The following ECSIT variants were observed in gnomAD, a reference collection of about 807,000 sequenced individuals.
ECSIT encodes evolutionarily conserved signaling intermediate in Toll pathway, mitochondrial.
ECSIT carries 29 observed loss-of-function variants against 36.8 expected under a neutral mutation model. The ratio of observed to expected loss-of-function variants is 0.79; its 90% CI spans 0.59 to 1.08. ECSIT has a LOEUF of 1.08. ECSIT is among the 50% of genes least tolerant of loss of function. The probability of loss-of-function intolerance (pLI) is 0.00; values close to 1 mark genes in which losing one functional copy is unlikely to be tolerated. For synonymous variants in ECSIT, 231 were observed against 234.8 expected (o/e 0.98, Z 0.15); for missense variants, 542 against 581.0 (o/e 0.93, Z 0.69).
At position 11,514,269 on chromosome 19, in the gene ECSIT, T is replaced by TG. The variant is rs746239090; in HGVS notation, c.97-49dup. The TG allele has an allele frequency of 5.9e-6, 9 of 1,516,698 alleles. No homozygotes were observed. The East Asian group carries it at 9.2e-5, about 15-fold the overall frequency. The allele number at this position is 1,516,698 out of a possible 1,614,324, so 94.0% of individuals were successfully genotyped here. ...GGAATCTGGCACCTCTCAGTGTCTATGGGGGGCCGCCAGGCTGGCTCTTTC... is the reference window on the plus strand; with the variant it reads ...GGAATCTGGCACCTCTCAGTGTCTATGGGGGGGCCGCCAGGCTGGCTCTTTC... On this transcript the variant is annotated intron_variant, in intron 2 of 7. Transcript: ENST00000270517.
At chr19:11,526,302 G>T (rs2145006383) in intron 1 of ECSIT, among the ~76,000 whole-genome samples, 1 of 152,268 alleles carries the variant, frequency 6.6e-6, no homozygotes, top group South Asian at 2.1e-4. Flanking sequence ...TCTCCTGTGA[G>T]CATTAAAGTT....
intron 1 of ECSIT, among the ~76,000 whole-genome samples, chr19:11,521,681 C>T (rs1195467625): frequency 1.3e-5 from 2 of 152,066 alleles, no homozygotes; most frequent in Admixed American, 6.6e-5. Flanking sequence ...GAGGCGGAGG[C>T]AGGAGAATCA....
At chr19:11,528,352 A>T (rs1972256980) in intron 1 of ECSIT, among the ~76,000 whole-genome samples, 1 of 152,210 alleles carries the variant, frequency 6.6e-6, no homozygotes, top group African/African-American at 2.4e-5. Flanking sequence ...CCTGGGCTCA[A>T]GCAATCCTCC....
rs2144991989 is a variant in ECSIT at position 11,519,725 on chromosome 19, TGGG to T, written c.-23-535_-23-533del. ...GCTCACGCCTGTAATCACAACATTCTGGGAGGCTGAGGCGGGCGGATCACTCGA... is the reference window on the plus strand; with the variant it reads ...GCTCACGCCTGTAATCACAACATTCTAGGCTGAGGCGGGCGGATCACTCGA... On this transcript the variant is annotated intron_variant, in intron 1 of 7. Coordinates refer to ENST00000270517, the MANE Select transcript of ECSIT (RefSeq NM_016581.5). This position sits in a 1 kb window ranked among gnomAD's most constrained non-coding sequence, Gnocchi z 4.4. 6.4e-6 allele frequency: 1 copy of T among 156,342 alleles called. No individual in the cohort carries two copies. Among genetic ancestry groups the T allele is most frequent in the South Asian group, 1.9e-4 (1 of 5,190 alleles). The allele number at this position is 156,342 out of a possible 1,614,324, so 9.7% of individuals were successfully genotyped here. A position where few individuals can be genotyped will look rare whatever the true frequency, so the allele number is the denominator to read the frequency against.
intron 1 of ECSIT, among the ~76,000 whole-genome samples, chr19:11,528,572 G>T (rs1202066457): frequency 6.6e-6 from 1 of 152,180 alleles, no homozygotes; most frequent in East Asian, 1.9e-4. Context: ...TTCAAAGTCT[G>T]GTTCCCCCAG....
chr19:11,506,016 C>T lies in ECSIT; in HGVS notation c.*168G>A. 8.3e-7 allele frequency: 1 copy of T among 1,203,916 alleles called. No homozygotes were observed. Among genetic ancestry groups the T allele is most frequent in the Non-Finnish European group, 1.2e-6 (1 of 865,818 alleles). The allele number at this position is 1,203,916 out of a possible 1,614,324, so 74.6% of individuals were successfully genotyped here. On this transcript the variant is annotated 3_prime_UTR_variant, in exon 8 of 8. Coordinates refer to ENST00000270517, the MANE Select transcript of ECSIT (RefSeq NM_016581.5). Reference sequence around the variant, plus strand: ...CAGATTCTGGAGGGGTCTCGCCTGCCCATCGCTGGCAGCCCGAGATCCTGG... The same window carrying T: ...CAGATTCTGGAGGGGTCTCGCCTGCTCATCGCTGGCAGCCCGAGATCCTGG...
Position 11,506,380 on chromosome 19 carries a change from T to A in ECSIT, c.1100A>T (p.Gln367Leu). Residue 367 changes from glutamine (Q) to leucine (L), a missense_variant, in exon 8 of 8, where the codon CAG (glutamine) becomes CTG (leucine). By Grantham distance (113) the Gln-to-Leu change is moderately radical. Transcript: ENST00000270517. Reference protein sequence around the residue: ...FAMCMAGAHDQATMAKWIQGL... With the variant: ...FAMCMAGAHDLATMAKWIQGL... ...CTGGATCCACTTAGCCATCGTCGCCTGGTCATGAGCACCCGCCATGCACAT... is the reference window on the plus strand; with the variant it reads ...CTGGATCCACTTAGCCATCGTCGCCAGGTCATGAGCACCCGCCATGCACAT... 1 of 1,613,680 alleles carries A rather than the reference T, an allele frequency of 6.2e-7. No homozygotes were observed. Among genetic ancestry groups the A allele is most frequent in the East Asian group, 2.2e-5 (1 of 44,864 alleles).
In ECSIT at chr19:11,523,613, T is replaced by C. The variant is rs1242037797; in HGVS notation, c.-23-4420A>G. 1.4e-5 allele frequency: 13 copies of C among 923,418 alleles called. 1 individual carries two copies. In the Admixed American group the frequency reaches 1.9e-4, roughly 14 times the overall value. The allele number at this position is 923,418 out of a possible 1,614,324, so 57.2% of individuals were successfully genotyped here. A position where few individuals can be genotyped will look rare whatever the true frequency, so the allele number is the denominator to read the frequency against. On this transcript the variant is annotated intron_variant, in intron 1 of 7. Coordinates refer to ENST00000270517, the MANE Select transcript of ECSIT (RefSeq NM_016581.5). ...GCTTGATCCAACTGTGATAAGCCTA[T>C]GTATGTCAAGCTGGTGGAGTCCCTT...
At chr19:11,509,151 C>G (rs979352787) in intron 4 of ECSIT, among the ~76,000 whole-genome samples, 5 of 150,230 alleles carry the variant, frequency 3.3e-5, no homozygotes, top group African/African-American at 1.2e-4. Flanking sequence ...CAGCTCACCG[C>G]AACCTCCACC....
chr19:11,507,967 C>T (rs1971790356), intron 5 of ECSIT, 24 bp downstream of exon 5: 2 of 1,614,144 alleles, frequency 1.2e-6, no homozygotes, highest in South Asian at 1.1e-5. Flanking sequence ...AGAGACTTGG[C>T]TGCCCCCATG....
At position 11,507,498 on chromosome 19, in the gene ECSIT, A is replaced by G; in HGVS notation, c.1010T>C (p.Val337Ala). 1 of 1,613,740 alleles carries G rather than the reference A, an allele frequency of 6.2e-7. No homozygotes were observed. Among genetic ancestry groups the G allele is most frequent in the Non-Finnish European group, 8.5e-7 (1 of 1,179,930 alleles). The change falls in exon 7 of 8, where the codon GTG (valine) becomes GCG (alanine). Residue 337 changes from valine to alanine, a missense_variant. Coordinates refer to ENST00000270517, the MANE Select transcript of ECSIT (RefSeq NM_016581.5). ...CTCGTAGTTGTCCCAGCCACTCCTC[A>G]CATACTCCAGGTCCAGCTGCATCGG... ...YYPMQLDLEYVRSGWDNYEFD... is the reference protein window; with the variant it reads ...YYPMQLDLEYARSGWDNYEFD...
chr19:11,507,897 C>T (rs768419093), intron 5 of ECSIT, 47 bp from the exon 6 acceptor site: 17 of 1,613,956 alleles, frequency 1.1e-5, no homozygotes, highest in Non-Finnish European at 1.4e-5. Flanking sequence ...GGACTCGGCC[C>T]AGAGGCCCAG....
intron 4 of ECSIT, among the ~76,000 whole-genome samples, chr19:11,509,942 T>G (rs924203777): frequency 2.0e-5 from 3 of 151,174 alleles, no homozygotes; most frequent in African/African-American, 7.3e-5. Flanking sequence ...CGATCTCGGC[T>G]CACTGCAACC....
At chr19:11,509,629 G>A (rs565535407) in intron 4 of ECSIT, among the ~76,000 whole-genome samples, 18 of 151,206 alleles carry the variant, frequency 1.2e-4, no homozygotes, top group Admixed American at 3.3e-4. Context: ...TTAGCCAGGC[G>A]TGGTGGCACA....
At chr19:11,514,422 C>T (rs1201511057) in intron 2 of ECSIT, among the ~76,000 whole-genome samples, 1 of 152,126 alleles carries the variant, frequency 6.6e-6, no homozygotes, top group Non-Finnish European at 1.5e-5. Flanking sequence ...GAAACAGGCA[C>T]TGTTAGCCAT....
At chr19:11,528,915 C>T (rs950185520) in intron 1 of ECSIT, 147 bp downstream of exon 1, 1 of 152,284 alleles carries the variant, frequency 6.6e-6, no homozygotes, top group African/African-American at 2.4e-5. Context: ...CGGCCTTTCC[C>T]AGCGCGTCCC....
rs1486131613 is a variant in ECSIT, at chr19:11,508,451, T to G, written c.739-403A>C. ...TCCATGCTGGAGAATGGTGGCATGA[T>G]CATAGCTCACTGTAGCCTTGAACTC... On this transcript the variant is annotated intron_variant, in intron 4 of 7. Coordinates refer to ENST00000270517, the MANE Select transcript of ECSIT (RefSeq NM_016581.5). Among the ~76,000 whole-genome samples the G allele has an allele frequency of 2.0e-5, 3 of 149,766 alleles. No individual in the cohort carries two copies. In the East Asian group the frequency reaches 5.8e-4, roughly 29 times the overall value.
At chr19:11,527,978 C>T (rs894945141) in intron 1 of ECSIT, among the ~76,000 whole-genome samples, 1 of 152,194 alleles carries the variant, frequency 6.6e-6, no homozygotes, top group African/African-American at 2.4e-5. Context: ...CCAGGCTTGA[C>T]GAACAAGTGA....
chr19:11,524,768 G>A (rs539543430), intron 1 of ECSIT, among the ~76,000 whole-genome samples: 19 of 152,204 alleles, frequency 1.2e-4, no homozygotes, highest in African/African-American at 4.6e-4. Flanking sequence ...AAGGTTATAT[G>A]AGCTATGATT....
Sources: allele counts gnomAD v4.1 joint callset (sites outside exome capture counted in the v4.1 genomes callset), GRCh38; gene constraint gnomAD v4.1.1; non-coding constraint Gnocchi (gnomAD v3.1); transcripts MANE v1.5; gene names NCBI Gene and HGNC (gene_info 2026-07-23, HGNC 2026-07-21).